SORCS1: variants seen among roughly 807,000 people sequenced by gnomAD.
The protein encoded by SORCS1 is sortilin related VPS10 domain containing receptor 1, also known as VPS10 domain-containing receptor SorCS1.
Under a neutral mutation model 146.1 loss-of-function variants are expected in SORCS1, and 60 were observed. The observed-to-expected ratio is 0.41, with a 90% CI of 0.33 to 0.51. SORCS1 has a LOEUF of 0.51. Among genes scored for constraint, SORCS1 ranks in the 20% least tolerant of loss-of-function variants. The pLI, the probability that SORCS1 is intolerant of heterozygous loss-of-function variation, is 0.21. For missense variants in SORCS1, 1,352 were observed against 1,487.6 expected (o/e 0.91, Z 1.50); for synonymous variants, 637 against 584.0 (o/e 1.09, Z -1.31).
intron 22 of SORCS1, 69 bp downstream of exon 22, chr10:106,611,842 T>G: frequency 8.2e-7 from 1 of 1,217,324 alleles, no homozygotes; most frequent in East Asian, 2.3e-5. Context: ...AAAGCTCCCC[T>G]TTCTGTGAAA....
intron 2 of SORCS1, among the ~76,000 whole-genome samples, chr10:106,891,856 C>A (rs1468573708): frequency 3.9e-5 from 6 of 152,146 alleles, no homozygotes; most frequent in African/African-American, 1.4e-4. Context: ...ACAATCTACT[C>A]CCATGCCTAA....
chr10:107,076,178 C>G (rs1202675935), intron 1 of SORCS1, among the ~76,000 whole-genome samples: 4 of 152,042 alleles, frequency 2.6e-5, no homozygotes, highest in African/African-American at 9.7e-5. Flanking sequence ...GTTTTCGGCA[C>G]CGTATTTGCT....
intron 18 of SORCS1, among the ~76,000 whole-genome samples, chr10:106,645,090 T>C (rs1446229360): frequency 1.3e-5 from 2 of 152,056 alleles, no homozygotes; most frequent in Non-Finnish European, 2.9e-5. Context: ...AATAGCATTA[T>C]ATGAATGACC....
upstream of SORCS1, among the ~76,000 whole-genome samples, chr10:107,166,779 G>C (rs185259216): frequency 2.8e-4 from 42 of 152,344 alleles, no homozygotes; most frequent in Admixed American, 5.9e-4. Flanking sequence ...AGGAAAAGCA[G>C]ATTAAAGAAT....
intron 2 of SORCS1, among the ~76,000 whole-genome samples, chr10:106,939,129 T>A (rs1953901383): frequency 1.3e-5 from 2 of 152,160 alleles, no homozygotes. Flanking sequence ...AACTGACAGA[T>A]AATGGCAAAA....
intron 6 of SORCS1, among the ~76,000 whole-genome samples, chr10:106,728,134 T>A (rs990933882): frequency 6.6e-6 from 1 of 151,872 alleles, no homozygotes; most frequent in Non-Finnish European, 1.5e-5. Flanking sequence ...TGGGTTCAAG[T>A]GATTATCCTG....
chr10:106,950,145 T>C (rs756357053), intron 2 of SORCS1, among the ~76,000 whole-genome samples: 4 of 152,176 alleles, frequency 2.6e-5, no homozygotes, highest in Non-Finnish European at 4.4e-5. Context: ...TCATCCCCCT[T>C]TCCTCTCATT....
chr10:107,070,694 T>C (rs1392054205), intron 1 of SORCS1, among the ~76,000 whole-genome samples: 1 of 152,162 alleles, frequency 6.6e-6, no homozygotes, highest in African/African-American at 2.4e-5. Flanking sequence ...AATACCTCGT[T>C]TGTGATTGAA....
intron 1 of SORCS1, among the ~76,000 whole-genome samples, chr10:107,162,925 T>C (rs1429080098): frequency 2.6e-5 from 4 of 152,270 alleles, no homozygotes; most frequent in Non-Finnish European, 4.4e-5. Context: ...TTGGTTGTTA[T>C]GTTCTTGTCT....
chr10:106,851,495 G>A (rs966197740), intron 2 of SORCS1, among the ~76,000 whole-genome samples: 1 of 152,196 alleles, frequency 6.6e-6, no homozygotes, highest in African/African-American at 2.4e-5. Flanking sequence ...GGTCTTTTGT[G>A]AAAGATCAGC....
intron 2 of SORCS1, among the ~76,000 whole-genome samples, chr10:106,885,384 C>G (rs1380672590): frequency 2.0e-5 from 3 of 152,074 alleles, no homozygotes; most frequent in Non-Finnish European, 1.5e-5. Context: ...TGGTTTCTCT[C>G]CTTTTTGGAT....
intron 13 of SORCS1, among the ~76,000 whole-genome samples, chr10:106,677,039 A>G (rs139634931): frequency 1.3e-5 from 2 of 152,062 alleles, no homozygotes; most frequent in East Asian, 3.9e-4. Context: ...CCTCTATATA[A>G]ACCCCTACTT....
chr10:106,973,088 G>T (rs1278318598), intron 1 of SORCS1, among the ~76,000 whole-genome samples: 1 of 152,062 alleles, frequency 6.6e-6, no homozygotes, highest in African/African-American at 2.4e-5. Flanking sequence ...ACCCTCAGCA[G>T]GTATAAAACA....
intron 2 of SORCS1, among the ~76,000 whole-genome samples, chr10:106,843,571 A>G (rs1460129661): frequency 6.6e-6 from 1 of 151,594 alleles, no homozygotes; most frequent in Non-Finnish European, 1.5e-5. Flanking sequence ...AGCTGGGACT[A>G]CAGGCATCTG....
chr10:107,052,026 C>T (rs763546644), intron 1 of SORCS1, among the ~76,000 whole-genome samples: 1 of 152,120 alleles, frequency 6.6e-6, no homozygotes, highest in Non-Finnish European at 1.5e-5. Context: ...ACAGTCTAGC[C>T]TCAGCCTAGG....
chr10:106,820,209 C>T (rs1397061238), intron 3 of SORCS1, among the ~76,000 whole-genome samples: 1 of 152,242 alleles, frequency 6.6e-6, no homozygotes, highest in African/African-American at 2.4e-5. Flanking sequence ...TCCCCAAACA[C>T]ACATACTGCC....
intron 19 of SORCS1, among the ~76,000 whole-genome samples, chr10:106,623,496 G>A (rs1240064932): frequency 1.3e-5 from 2 of 151,372 alleles, no homozygotes; most frequent in African/African-American, 2.4e-5. Context: ...CGCCCGCCTC[G>A]GCCTCCCAAA....
chr10:106,906,833 AAT>A (rs1394007547), intron 2 of SORCS1, among the ~76,000 whole-genome samples: 1 of 152,182 alleles, frequency 6.6e-6, no homozygotes. Context: ...ATCTGTCATC[AAT>A]AGAGTATGGG....
At chr10:107,048,748 A>G (rs913043148) in intron 1 of SORCS1, among the ~76,000 whole-genome samples, 13 of 152,174 alleles carry the variant, frequency 8.5e-5, no homozygotes, top group African/African-American at 3.1e-4. Flanking sequence ...GTAGAAAAGC[A>G]ATCTGTATTC....
Sources: gnomAD v4.1 joint callset for allele counts (sites outside exome capture counted in the v4.1 genomes callset) on GRCh38, gnomAD v4.1.1 for gene constraint, MANE v1.5 for transcripts, NCBI Gene and HGNC (gene_info 2026-07-23, HGNC 2026-07-21) for gene names.